RS1: variants seen among roughly 807,000 people sequenced by gnomAD.
The protein encoded by RS1 is retinoschisin.
In RS1, 2 loss-of-function variants were observed where a neutral mutation model predicts 20.8. That is an observed-to-expected ratio of 0.10 (90% CI 0.04 to 0.30). RS1 has a LOEUF of 0.30. Among genes scored for constraint, RS1 ranks in the 10% least tolerant of loss-of-function variants. The pLI is 1.00. For missense variants in RS1, 151 were observed against 189.8 expected (o/e 0.80, Z 1.20); for synonymous variants, 70 against 75.8 (o/e 0.92, Z 0.40).
At chrX:18,647,140 G>A (rs1291641857) in intron 4 of RS1, 51 bp downstream of exon 4, 1 of 1,188,089 alleles carries the variant, frequency 8.4e-7, no homozygotes, top group Non-Finnish European at 1.1e-6. Flanking sequence ...TGGTAGAGAG[G>A]CCTATTTTTT....
intron 4 of RS1, chrX:18,646,105 C>T: frequency 8.3e-7 from 1 of 1,211,721 alleles, no homozygotes; most frequent in South Asian, 1.8e-5. Context: ...AGTCTGGGCC[C>T]CGCATGCCAT....
chrX:18,669,086 A>G (rs1420013883), intron 1 of RS1, among the ~76,000 whole-genome samples: 1 of 112,137 alleles, frequency 8.9e-6, no homozygotes, highest in Non-Finnish European at 1.9e-5. Flanking sequence ...TATAATAAAC[A>G]TGACCAAGTA....
intron 5 of RS1, among the ~76,000 whole-genome samples, chrX:18,643,829 A>AATATATATATATATATATATATATAT (rs755520723): frequency 2.8e-5 from 3 of 105,881 alleles, no homozygotes; most frequent in Non-Finnish European, 5.8e-5. Flanking sequence ...ATTCATAGCA[A>AATATATATATATATATATATATATAT]ATATATATAT....
chrX:18,644,727 C>T lies in RS1; in HGVS notation c.327-102G>A, dbSNP rs897733621. 94 of 846,887 alleles carry T rather than the reference C, an allele frequency of 1.1e-4. No individual in the cohort carries two copies. In the South Asian group the frequency reaches 1.4e-3, roughly 13 times the overall value. The allele number at this position is 846,887 out of a possible 1,213,427, so 69.8% of individuals were successfully genotyped here. On this transcript the variant is annotated intron_variant, in intron 4 of 5. Transcript: ENST00000379984. ...AGGGGATGCCAGCATCCAAAGAGCC[C>T]CCTGCCAAGCTCGGGCAGTCTGGGC...
At chrX:18,643,286 G>A (rs1013584484) in intron 5 of RS1, among the ~76,000 whole-genome samples, 1 of 111,693 alleles carries the variant, frequency 9.0e-6, no homozygotes, top group Non-Finnish European at 1.9e-5. Flanking sequence ...GAAAATATCT[G>A]GCTGTTGCAT....
At chrX:18,649,603 G>A (rs1188195930) in intron 3 of RS1, among the ~76,000 whole-genome samples, 1 of 111,679 alleles carries the variant, frequency 9.0e-6, no homozygotes, top group Non-Finnish European at 1.9e-5. Flanking sequence ...GGGTCTGAGG[G>A]TGAGGGCACA....
chrX:18,666,199 G>C (rs1028950995), intron 1 of RS1, among the ~76,000 whole-genome samples: 20 of 111,778 alleles, frequency 1.8e-4, no homozygotes, highest in African/African-American at 6.5e-4. Flanking sequence ...ATGAACTAAT[G>C]AAGAAAGAGA....
intron 1 of RS1, among the ~76,000 whole-genome samples, chrX:18,669,596 C>T (rs1017955740): frequency 5.4e-4 from 59 of 110,182 alleles, no homozygotes; most frequent in Middle Eastern, 9.3e-3. Flanking sequence ...TACCTTATTT[C>T]ACTGTAATGA....
At chrX:18,670,518 C>T (rs1928476265) in intron 1 of RS1, among the ~76,000 whole-genome samples, 1 of 110,769 alleles carries the variant, frequency 9.0e-6, no homozygotes, top group African/African-American at 3.3e-5. Flanking sequence ...TGAGCCACCG[C>T]GCCCCGCCGT....
intron 1 of RS1, among the ~76,000 whole-genome samples, chrX:18,668,823 TG>T (rs1928443628): frequency 9.0e-6 from 1 of 110,932 alleles, no homozygotes; most frequent in African/African-American, 3.3e-5. Context: ...GCCCAGGGGC[TG>T]GGGGAGGGGG....
intron 1 of RS1, among the ~76,000 whole-genome samples, chrX:18,670,986 C>T (rs1479404141): frequency 8.9e-6 from 1 of 111,756 alleles, no homozygotes; most frequent in African/African-American, 3.3e-5. Context: ...GGTGAAAACC[C>T]CTCTCTACAA....
chrX:18,663,604 C>G (rs1928356016), intron 1 of RS1, among the ~76,000 whole-genome samples: 1 of 111,337 alleles, frequency 9.0e-6, no homozygotes, highest in Admixed American at 9.6e-5. Context: ...CCTTGGCCTC[C>G]TGAAGTGCTG....
At chrX:18,664,909 G>A (rs1443569973) in intron 1 of RS1, among the ~76,000 whole-genome samples, 1 of 111,152 alleles carries the variant, frequency 9.0e-6, no homozygotes, top group Non-Finnish European at 1.9e-5. Context: ...TAGAGACGGG[G>A]TCTATGCTAT....
chrX:18,667,708 A>T (rs1928427481), intron 1 of RS1, among the ~76,000 whole-genome samples: 1 of 111,404 alleles, frequency 9.0e-6, no homozygotes, highest in African/African-American at 3.3e-5. Context: ...TCACTGAGCA[A>T]ACCTAGAGTC....
chrX:18,657,603 T>C, intron 2 of RS1, 37 bp downstream of exon 2: 2 of 1,108,634 alleles, frequency 1.8e-6, no homozygotes, highest in South Asian at 3.7e-5. Context: ...TCAAAAGTAC[T>C]ATGCATGTAC....
intron 1 of RS1, among the ~76,000 whole-genome samples, chrX:18,665,483 G>C (rs1192759421): frequency 1.8e-5 from 2 of 111,542 alleles, no homozygotes; most frequent in Non-Finnish European, 3.8e-5. Context: ...AAATGTGCCA[G>C]ACTGTCTCTT....
At chrX:18,658,119 A>G (rs1161524336) in intron 1 of RS1, among the ~76,000 whole-genome samples, 3 of 111,467 alleles carry the variant, frequency 2.7e-5, no homozygotes, top group Admixed American at 9.5e-5. Flanking sequence ...GCAGTGAGCC[A>G]AGATCGCTCC....
chrX:18,655,986 C>CTTTTTTTTTT (rs56213978), intron 3 of RS1, among the ~76,000 whole-genome samples: 3 of 50,825 alleles, frequency 5.9e-5, no homozygotes, highest in African/African-American at 8.1e-5. Context: ...TTTTCTTTTC[C>CTTTTTTTTTT]TTTTTTTTTT....
chrX:18,654,964 A>T (rs1928185986), intron 3 of RS1, among the ~76,000 whole-genome samples: 1 of 112,288 alleles, frequency 8.9e-6, no homozygotes, highest in African/African-American at 3.2e-5. Context: ...GCAATTGTGT[A>T]AAGTAAATGA....
Sources: allele counts gnomAD v4.1 joint callset (sites outside exome capture counted in the v4.1 genomes callset), GRCh38; gene constraint gnomAD v4.1.1; transcripts MANE v1.5; gene names NCBI Gene and HGNC (gene_info 2026-07-23, HGNC 2026-07-21).